RPTOR: variants seen among roughly 807,000 people sequenced by gnomAD.
The protein encoded by RPTOR is regulatory associated protein of MTOR complex 1, also known as regulatory-associated protein of mTOR.
Under a neutral mutation model 169.9 loss-of-function variants are expected in RPTOR, and 21 were observed. The observed-to-expected ratio is 0.12, with a 90% CI of 0.09 to 0.18. The LOEUF is 0.18. Ranked by LOEUF, RPTOR falls within the 10% of genes least tolerant of loss-of-function variation. The pLI is 1.00. For synonymous variants in RPTOR, 732 were observed against 753.2 expected, an observed-to-expected ratio of 0.97 and a Z score of 0.46; for missense variants, 1,133 against 1,855.9, an observed-to-expected ratio of 0.61 and a Z score of 7.16.
At chr17:80,954,133 T>C (rs868281916) in intron 28 of RPTOR, among the ~76,000 whole-genome samples, 1 of 152,116 alleles carries the variant, frequency 6.6e-6, no homozygotes, top group Non-Finnish European at 1.5e-5. Context: ...CTAATCTTTT[T>C]TCTTTTGAGA....
chr17:80,574,991 T>A (rs923807108), intron 1 of RPTOR, among the ~76,000 whole-genome samples: 3 of 146,692 alleles, frequency 2.0e-5, no homozygotes, highest in Non-Finnish European at 4.5e-5. Context: ...ATCTTATTAT[T>A]TCCTTTTTTC....
chr17:80,577,724 G>C (rs1161348151), intron 1 of RPTOR, among the ~76,000 whole-genome samples: 3 of 152,210 alleles, frequency 2.0e-5, no homozygotes, highest in Non-Finnish European at 4.4e-5. Flanking sequence ...CTGCAGTCCA[G>C]CTCTGGAGCT....
rs200132937 is a variant in RPTOR at position 80,962,421 on chromosome 17, G to A, written c.3693-40G>A. 7.4e-5 allele frequency: 116 copies of A among 1,559,398 alleles called. 1 individual carries two copies. The Middle Eastern group carries it at 6.5e-3, about 88-fold the overall frequency. On this transcript the variant is annotated intron_variant, in intron 31 of 33. Coordinates refer to ENST00000306801, the MANE Select transcript of RPTOR (RefSeq NM_020761.3). ...TCCCCCTGGCCAGGCCCCTCATGGG[G>A]CCTCCGGGAGGAGGTGTCACTGTGA...
In RPTOR at chr17:80,893,835, A is replaced by G. The variant is rs1330542020; in HGVS notation, c.2371A>G (p.Ser791Gly). ...FETIDKMRRA[S>G]SYSSLNSLIG... ...GACCATCGACAAGATGCGCCGCGCC[A>G]GCTCCTACTCCTCCCTCAACTCCCT... The change falls in exon 20 of 34, where the codon AGC (serine) becomes GGC (glycine). Residue 791 changes from serine (S) to glycine (G), a missense_variant. Ser to Gly is a moderately conservative substitution (Grantham distance 56). Around this residue, in one of 9 missense-constraint regions of RPTOR, gnomAD observed 150 missense variants for 206.4 expected, o/e 0.73. Transcript: ENST00000306801. 4.6e-6 allele frequency: 7 copies of G among 1,533,844 alleles called. No individual in the cohort carries two copies. Among genetic ancestry groups the G allele is most frequent in the Non-Finnish European group, 6.2e-6 (7 of 1,137,492 alleles).
rs2067913328 is a variant in RPTOR, at chr17:80,861,168, T to C, written c.1509+3268T>C. The stretch of plus-strand genomic sequence containing the variant: ...CCCTGAGTTTGATCCCATCACCGCA[T>C]TTGCTCTTACAAGTCATTTTCACTT... On this transcript the variant is annotated intron_variant, in intron 13 of 33. Transcript: ENST00000306801. The surrounding 1 kb of genome is among the most constrained non-coding windows in gnomAD (Gnocchi z 4.5). 6.9e-6 allele frequency among the ~76,000 whole-genome samples: 1 copy of C among 145,216 alleles called. No homozygotes were observed. The highest frequency in any genetic ancestry group is 2.2e-4 in the South Asian group (1 of 4,512).
chr17:80,770,299 C>T (rs1284318529), intron 6 of RPTOR, among the ~76,000 whole-genome samples: 1 of 152,254 alleles, frequency 6.6e-6, no homozygotes, highest in Non-Finnish European at 1.5e-5. Context: ...CCTCTTAGCA[C>T]TGTCACTTCG....
chr17:80,671,177 G>A (rs930336034), intron 3 of RPTOR, among the ~76,000 whole-genome samples: 4 of 152,082 alleles, frequency 2.6e-5, no homozygotes, highest in Non-Finnish European at 4.4e-5. Context: ...GTTGCTCCAC[G>A]GGCCCCTCCT....
intron 1 of RPTOR, chr17:80,593,931 C>T (rs1399173546): frequency 6.6e-6 from 1 of 152,204 alleles, no homozygotes; most frequent in Non-Finnish European, 1.5e-5. Context: ...TTGGACTCCT[C>T]CGTGATTCTA....
In RPTOR at chr17:80,704,201, A is replaced by C. The variant is rs974052365; in HGVS notation, c.349-3640A>C. On this transcript the variant is annotated intron_variant, in intron 3 of 33. Coordinates refer to ENST00000306801, the MANE Select transcript of RPTOR (RefSeq NM_020761.3). ...AGACTTATTTTCTAATTTAGAATGT[A>C]CTTACTTGAGTGGATGTGGTTTTGG... is the stretch of plus-strand genomic sequence containing the variant. 5.3e-5 allele frequency among the ~76,000 whole-genome samples: 8 copies of C among 152,226 alleles called. 1 individual carries two copies. The highest frequency in any genetic ancestry group is 1.0e-4 in the Non-Finnish European group (7 of 68,048).
intron 3 of RPTOR, among the ~76,000 whole-genome samples, chr17:80,697,961 C>T (rs2066051507): frequency 6.6e-6 from 1 of 152,032 alleles, no homozygotes; most frequent in Non-Finnish European, 1.5e-5. Context: ...AGGGAGATGG[C>T]AGGAGCAGGA....
At chr17:80,589,556 G>A (rs1415842366) in intron 1 of RPTOR, among the ~76,000 whole-genome samples, 1 of 152,164 alleles carries the variant, frequency 6.6e-6, no homozygotes, top group African/African-American at 2.4e-5. Context: ...TTTAGGCAGA[G>A]ACTTGACATC....
rs552687872 is a variant in RPTOR at position 80,909,045 on chromosome 17, G to A, written c.2520+116G>A. 113 of 722,008 alleles carry A rather than the reference G, an allele frequency of 1.6e-4. No individual in the cohort carries two copies. The African/African-American group carries it at 1.7e-3, about 11-fold the overall frequency. The allele number at this position is 722,008 out of a possible 1,614,324, so 44.7% of individuals were successfully genotyped here. A position where few individuals can be genotyped will look rare whatever the true frequency, so the allele number is the denominator to read the frequency against. Reference sequence around the variant, plus strand: ...ACCACAGTTTAGAAAGTAACAAAACGAGCTTCAGCAAATATCTTAAATCTG... The same window carrying A: ...ACCACAGTTTAGAAAGTAACAAAACAAGCTTCAGCAAATATCTTAAATCTG... On this transcript the variant is annotated intron_variant, in intron 21 of 33. Transcript: ENST00000306801.
At chr17:80,961,220 C>T (rs1036066449) in intron 30 of RPTOR, among the ~76,000 whole-genome samples, 174 bp from the exon 31 acceptor site, 1 of 152,202 alleles carries the variant, frequency 6.6e-6, no homozygotes, top group African/African-American at 2.4e-5. Context: ...TGGAGCAGGT[C>T]ACCTGGAGGG....
rs1322121960 is a variant in RPTOR at position 80,823,622 on chromosome 17, T to C, written c.1136+399T>C. On this transcript the variant is annotated intron_variant, in intron 9 of 33. Coordinates refer to ENST00000306801, the MANE Select transcript of RPTOR (RefSeq NM_020761.3). The surrounding 1 kb of genome is among the most constrained non-coding windows in gnomAD (Gnocchi z 4.5). ...TTAAACTGTTGGGCTCATGATCAATTAGTTTTTATGCTTATTTCTCACACA... is the reference window on the plus strand; with the variant it reads ...TTAAACTGTTGGGCTCATGATCAATCAGTTTTTATGCTTATTTCTCACACA... 5.8e-6 allele frequency: 1 copy of C among 171,832 alleles called. No homozygotes were observed. The highest frequency in any genetic ancestry group is 1.3e-5 in the Non-Finnish European group (1 of 79,748). 10.6% of individuals were successfully genotyped at this position (171,832 alleles called of 1,614,324 possible). A position where few individuals can be genotyped will look rare whatever the true frequency, so the allele number is the denominator to read the frequency against.
intron 6 of RPTOR, among the ~76,000 whole-genome samples, chr17:80,772,442 C>T (rs1312954616): frequency 7.7e-6 from 1 of 129,600 alleles, no homozygotes; most frequent in Non-Finnish European, 1.6e-5. Context: ...TCTCTCCCCC[C>T]ACATGCCTGG....
chr17:80,813,924 A>G (rs541798222), intron 7 of RPTOR, among the ~76,000 whole-genome samples: 1 of 152,348 alleles, frequency 6.6e-6, no homozygotes, highest in South Asian at 2.1e-4. Flanking sequence ...ACCCGAGCTC[A>G]GGAGTGTGAG....
At chr17:80,875,491 A>G (rs954668091) in intron 13 of RPTOR, among the ~76,000 whole-genome samples, 1 of 152,114 alleles carries the variant, frequency 6.6e-6, no homozygotes, top group African/African-American at 2.4e-5. Flanking sequence ...AGGAAAAAAA[A>G]TGTCATGTTC....
At chr17:80,736,377 C>G (rs2066433538) in intron 5 of RPTOR, among the ~76,000 whole-genome samples, 1 of 152,150 alleles carries the variant, frequency 6.6e-6, no homozygotes, top group Non-Finnish European at 1.5e-5. Flanking sequence ...CACTCACTGC[C>G]ACAGCGAGAA....
rs797003148 is a variant in RPTOR, at chr17:80,849,271, G to A, written c.1314+2697G>A. 1.5e-4 allele frequency among the ~76,000 whole-genome samples: 23 copies of A among 152,288 alleles called. 1 individual carries two copies. Among genetic ancestry groups the A allele is most frequent in the African/African-American group, 4.6e-4 (19 of 41,568 alleles). ...AAAGGGAGTTTTCTCACTCGCTTCC[G>A]GTTTTCCGAATCCCTGCCACTTCAT... On this transcript the variant is annotated intron_variant, in intron 11 of 33. Transcript: ENST00000306801.
Sources: allele counts gnomAD v4.1 joint callset (sites outside exome capture counted in the v4.1 genomes callset), GRCh38; gene constraint gnomAD v4.1.1; regional missense constraint gnomAD v4.1.1; non-coding constraint Gnocchi (gnomAD v3.1); transcripts MANE v1.5; gene names NCBI Gene and HGNC (gene_info 2026-07-23, HGNC 2026-07-21).